The following PDE4B variants were observed in gnomAD, a reference collection of about 807,000 sequenced individuals.
PDE4B encodes phosphodiesterase 4B, also known as 3',5'-cyclic-AMP phosphodiesterase 4B.
Under a neutral mutation model 82.2 loss-of-function variants are expected in PDE4B, and 20 were observed. That is an observed-to-expected ratio of 0.24 (90% confidence interval 0.17 to 0.35). PDE4B has a LOEUF of 0.35. Ranked by LOEUF, PDE4B falls within the 10% of genes least tolerant of loss-of-function variation. PDE4B has a pLI of 1.00. For synonymous variants in PDE4B, 320 were observed against 318.9 expected (o/e 1.00, Z -0.04); for missense variants, 655 against 907.2 (o/e 0.72, Z 3.57).
chr1:66,162,003 C>A (rs1646622628), intron 3 of PDE4B, among the ~76,000 whole-genome samples: 1 of 152,038 alleles, frequency 6.6e-6, no homozygotes, highest in Non-Finnish European at 1.5e-5. Flanking sequence ...AAATAAGCAA[C>A]TATATGAAGC....
intron 1 of PDE4B, among the ~76,000 whole-genome samples, chr1:65,876,263 T>TA (rs1646642618): frequency 6.6e-6 from 1 of 152,156 alleles, no homozygotes; most frequent in African/African-American, 2.4e-5. Flanking sequence ...TTTCTGTGTA[T>TA]AATTTAATGC....
chr1:66,097,180 GTT>G (rs1645135201), intron 3 of PDE4B, among the ~76,000 whole-genome samples: 1 of 152,022 alleles, frequency 6.6e-6, no homozygotes, highest in African/African-American at 2.4e-5. Context: ...CTGCCAAACT[GTT>G]TTCCAAAGTG....
At chr1:66,179,581 T>A (rs1386468449) in intron 3 of PDE4B, among the ~76,000 whole-genome samples, 1 of 152,264 alleles carries the variant, frequency 6.6e-6, no homozygotes, top group African/African-American at 2.4e-5. Context: ...TTACTGAATT[T>A]GCAATGTGTA....
intron 3 of PDE4B, among the ~76,000 whole-genome samples, chr1:66,218,637 C>G (rs763252069): frequency 3.3e-5 from 5 of 152,096 alleles, no homozygotes; most frequent in Non-Finnish European, 5.9e-5. Flanking sequence ...GTTAATCTTT[C>G]CATGACCCCT....
At chr1:66,093,123 C>T (rs1016147326) in intron 3 of PDE4B, among the ~76,000 whole-genome samples, 3 of 152,000 alleles carry the variant, frequency 2.0e-5, no homozygotes, top group South Asian at 2.1e-4. Flanking sequence ...ATAGGGCATT[C>T]GGACAGACTG....
intron 1 of PDE4B, among the ~76,000 whole-genome samples, chr1:65,857,603 C>T (rs910374487): frequency 1.3e-5 from 2 of 152,138 alleles, no homozygotes; most frequent in African/African-American, 4.8e-5. Context: ...AGGTGGCTCT[C>T]TTGAGCCCAG....
rs74846811 is a variant in PDE4B at position 66,245,718 on chromosome 1, C to T, written c.282-1742C>T. 0.02 allele frequency among the ~76,000 whole-genome samples: 3,035 copies of T among 152,302 alleles called. 162 individuals are homozygous for T. The East Asian group carries it at 0.23, about 12-fold the overall frequency. On this transcript the variant is annotated intron_variant, in intron 3 of 16. Coordinates refer to ENST00000341517, the MANE Select transcript of PDE4B (RefSeq NM_002600.4). Reference sequence around the variant, plus strand: ...TTAGCCTACTGAGAAAATTCATCTACAGTACCTTGAAAGACCAAACATATT... The same window carrying T: ...TTAGCCTACTGAGAAAATTCATCTATAGTACCTTGAAAGACCAAACATATT...
Position 66,361,637 on chromosome 1 carries a change from C to T in PDE4B, c.864C>T (p.Ile288=). 6.2e-7 allele frequency: 1 copy of T among 1,612,590 alleles called. No homozygotes were observed. Among genetic ancestry groups the T allele is most frequent in the Middle Eastern group, 1.7e-4 (1 of 6,052 alleles). The change falls in exon 10 of 17, where the codon ATC becomes ATT. Residue 288 remains isoleucine (I), a synonymous_variant. Coordinates refer to ENST00000341517, the MANE Select transcript of PDE4B (RefSeq NM_002600.4). ...CAGACAAGCAGAATGATGTGGAGAT[C>T]CCATCTCCTACCCAGAAAGACAGGG... is the stretch of plus-strand genomic sequence containing the variant. ...TFLDKQNDVE[I]PSPTQKDREK... is the part of the protein sequence containing the mutation.
chr1:66,284,564 A>G (rs945790781), intron 7 of PDE4B, among the ~76,000 whole-genome samples: 2 of 152,190 alleles, frequency 1.3e-5, no homozygotes, highest in Non-Finnish European at 2.9e-5. Context: ...AGGCTGAGGC[A>G]GGAGGATTGC....
chr1:66,104,314 A>C (rs555990109), intron 3 of PDE4B, among the ~76,000 whole-genome samples: 1 of 151,136 alleles, frequency 6.6e-6, no homozygotes, highest in Non-Finnish European at 1.5e-5. Flanking sequence ...TATATGTGCC[A>C]CATTTTCTTA....
intron 3 of PDE4B, among the ~76,000 whole-genome samples, chr1:66,177,276 G>A (rs1012655455): frequency 8.5e-5 from 13 of 152,202 alleles, no homozygotes; most frequent in African/African-American, 3.1e-4. Context: ...AAACTGGGAT[G>A]TGAACACCAT....
chr1:65,899,109 A>G (rs1048375657), intron 1 of PDE4B, among the ~76,000 whole-genome samples: 1 of 152,070 alleles, frequency 6.6e-6, no homozygotes, highest in African/African-American at 2.4e-5. Context: ...AAACTCAAAC[A>G]AATCAGCAAG....
chr1:66,368,702 C>G (rs72928234), intron 15 of PDE4B, 85 bp from the exon 16 acceptor site: 18 of 1,033,374 alleles, frequency 1.7e-5, no homozygotes, highest in Non-Finnish European at 2.3e-5. Context: ...GGTTTAGTAC[C>G]AAGCGTACTA....
At chr1:65,925,171 T>C (rs1441051958) in intron 3 of PDE4B, among the ~76,000 whole-genome samples, 1 of 152,194 alleles carries the variant, frequency 6.6e-6, no homozygotes, top group Non-Finnish European at 1.5e-5. Flanking sequence ...TGTTTCCTGA[T>C]AGTTTTTGCT....
intron 1 of PDE4B, among the ~76,000 whole-genome samples, chr1:65,816,243 T>G (rs74085361): frequency 0.022 from 3,071 of 139,404 alleles, 34 homozygotes; most frequent in African/African-American, 0.049. Context: ...GAGAGAGAGA[T>G]AGAGAGATTT....
chr1:66,325,617 A>C (rs749030387), intron 7 of PDE4B, among the ~76,000 whole-genome samples: 21 of 152,226 alleles, frequency 1.4e-4, no homozygotes, highest in Non-Finnish European at 3.1e-4. Context: ...AACAGTCTCT[A>C]ACTTAAGACA....
chr1:66,255,505 T>C (rs562607006), intron 4 of PDE4B, among the ~76,000 whole-genome samples: 1 of 152,344 alleles, frequency 6.6e-6, no homozygotes, highest in East Asian at 1.9e-4. Context: ...ATAGCTAATA[T>C]GCTCTGCTCC....
At chr1:66,284,772 A>T (rs147239072) in intron 7 of PDE4B, among the ~76,000 whole-genome samples, 1 of 152,092 alleles carries the variant, frequency 6.6e-6, no homozygotes, top group Non-Finnish European at 1.5e-5. Flanking sequence ...GTGTAGGGAT[A>T]TGCAGGACAT....
chr1:66,098,244 GGTACTTGTTCTTGCAATTATAGCCATTT>G (rs1350610436), intron 3 of PDE4B, among the ~76,000 whole-genome samples: 1 of 152,056 alleles, frequency 6.6e-6, no homozygotes, highest in African/African-American at 2.4e-5. Context: ...CTTCATCTCT[GGTACTTGTTCTTGCAATTATAGCCATTT>G]GGCCTTCCAT....
Sources: allele counts gnomAD v4.1 joint callset (sites outside exome capture counted in the v4.1 genomes callset), GRCh38; gene constraint gnomAD v4.1.1; transcripts MANE v1.5; gene names NCBI Gene and HGNC (gene_info 2026-07-23, HGNC 2026-07-21).